The following DNAJC1 variants were observed in gnomAD, a reference collection of about 807,000 sequenced individuals.
DNAJC1 encodes DnaJ heat shock protein family (Hsp40) member C1.
In DNAJC1, 58 loss-of-function variants were observed where a neutral mutation model predicts 76.6. The ratio of observed to expected loss-of-function variants is 0.76; its 90% CI spans 0.61 to 0.94. The LOEUF (loss-of-function observed/expected upper bound fraction) is 0.94. DNAJC1 is among the 40% of genes least tolerant of loss of function. The pLI is 0.00. For missense variants in DNAJC1, 689 were observed against 677.3 expected, an observed-to-expected ratio of 1.02 and a Z score of -0.19; for synonymous variants, 258 against 267.9, an observed-to-expected ratio of 0.96 and a Z score of 0.36.
At chr10:21,929,000 T>C in intron 2 of DNAJC1, 40 bp downstream of exon 2, 3 of 1,284,714 alleles carry the variant, frequency 2.3e-6, no homozygotes, top group Non-Finnish European at 3.3e-6. Context: ...TGTTAATACA[T>C]TTGTCACAAA....
At chr10:21,891,127 T>G (rs866045970) in intron 7 of DNAJC1, among the ~76,000 whole-genome samples, 1 of 151,836 alleles carries the variant, frequency 6.6e-6, no homozygotes, top group African/African-American at 2.4e-5. Flanking sequence ...GAGGCGGAGG[T>G]TGCAGTGAGC....
intron 8 of DNAJC1, among the ~76,000 whole-genome samples, chr10:21,844,917 C>A (rs983882050): frequency 6.6e-6 from 1 of 152,152 alleles, no homozygotes; most frequent in East Asian, 1.9e-4. Flanking sequence ...GTAGCCCAAG[C>A]TACCCAGGAG....
At chr10:21,812,286 T>C (rs758351268) in intron 8 of DNAJC1, among the ~76,000 whole-genome samples, 40 of 151,798 alleles carry the variant, frequency 2.6e-4, no homozygotes, top group Non-Finnish European at 4.9e-4. Context: ...CTTGAACTCC[T>C]GACCTCGTGA....
chr10:21,839,855 A>C (rs866979062), intron 8 of DNAJC1, among the ~76,000 whole-genome samples: 5 of 152,340 alleles, frequency 3.3e-5, no homozygotes, highest in Middle Eastern at 3.4e-3. Flanking sequence ...ATCCTCAGTA[A>C]CATACTGGCA....
Position 21,766,439 on chromosome 10 carries a change from C to T in DNAJC1, c.1099-130G>A, listed in dbSNP as rs12241452. 2.7e-3 allele frequency: 1,853 copies of T among 696,672 alleles called. 35 individuals are homozygous for T. In the African/African-American group the frequency reaches 0.03, roughly 11 times the overall value. The allele number at this position is 696,672 out of a possible 1,614,324, so 43.2% of individuals were successfully genotyped here. A position where few individuals can be genotyped will look rare whatever the true frequency, so the allele number is the denominator to read the frequency against. ...ATCTTAGGCCTGAAAGACCCTCAGT[C>T]GTCTGTCGCATCCATTAATGTAATT... On this transcript the variant is annotated intron_variant, in intron 9 of 11. Coordinates refer to ENST00000376980, the MANE Select transcript of DNAJC1 (RefSeq NM_022365.4).
At chr10:21,995,979 G>A (rs1166790780) in intron 1 of DNAJC1, among the ~76,000 whole-genome samples, 1 of 152,072 alleles carries the variant, frequency 6.6e-6, no homozygotes, top group Non-Finnish European at 1.5e-5. Flanking sequence ...ATACTATGCT[G>A]TTATTTAAAA....
intron 7 of DNAJC1, among the ~76,000 whole-genome samples, chr10:21,896,541 G>C (rs1187821790): frequency 6.6e-6 from 1 of 152,150 alleles, no homozygotes; most frequent in Non-Finnish European, 1.5e-5. Context: ...TGATTTCACA[G>C]GTTCACAGGT....
chr10:21,914,487 G>T (rs1022385490), intron 6 of DNAJC1, among the ~76,000 whole-genome samples: 6 of 152,142 alleles, frequency 3.9e-5, no homozygotes, highest in Non-Finnish European at 7.4e-5. Context: ...AATGTACACA[G>T]ATCTTTCACA....
rs144682557 is a variant in DNAJC1 at position 21,830,966 on chromosome 10, G to C, written c.979-24867C>G. Among the ~76,000 whole-genome samples, 47 of 152,012 alleles carry C rather than the reference G, an allele frequency of 3.1e-4. No individual in the cohort carries two copies. The East Asian group carries it at 7.9e-3, about 26-fold the overall frequency. ...TACTTTTATCTCTTTAATCATTATA[G>C]AAATGCTGAGTTTTGTGGTCTCTTT... On this transcript the variant is annotated intron_variant, in intron 8 of 11. Transcript: ENST00000376980.
chr10:21,903,369 CAT>C (rs1387533056), intron 7 of DNAJC1, among the ~76,000 whole-genome samples: 1 of 152,214 alleles, frequency 6.6e-6, no homozygotes. Context: ...CTTTTTAACA[CAT>C]ATGTCAACCT....
chr10:21,908,046 A>G (rs1316552795), intron 6 of DNAJC1, among the ~76,000 whole-genome samples: 1 of 119,732 alleles, frequency 8.4e-6, no homozygotes, highest in African/African-American at 3.3e-5. Context: ...ATAATATAAT[A>G]TATAAATATA....
intron 1 of DNAJC1, among the ~76,000 whole-genome samples, chr10:21,930,839 A>C (rs941461871): frequency 2.6e-5 from 4 of 152,214 alleles, no homozygotes; most frequent in African/African-American, 9.7e-5. Flanking sequence ...TGAATAACCA[A>C]TCTCTAATTG....
chr10:21,795,589 G>A (rs375000068), intron 9 of DNAJC1, among the ~76,000 whole-genome samples: 2 of 152,258 alleles, frequency 1.3e-5, no homozygotes, highest in African/African-American at 4.8e-5. Flanking sequence ...GGAACACTTC[G>A]GGTGATGAAA....
chr10:21,790,010 T>TAAAAAAAAAAAAAAAAAAAAAAAA (rs35639440), intron 9 of DNAJC1, among the ~76,000 whole-genome samples: 5 of 41,092 alleles, frequency 1.2e-4, no homozygotes, highest in Admixed American at 8.2e-4. Flanking sequence ...GCTCTGTCTT[T>TAAAAAAAAAAAAAAAAAAAAAAAA]AAAAAAAAAA....
At chr10:21,821,275 C>A (rs1222364289) in intron 8 of DNAJC1, among the ~76,000 whole-genome samples, 1 of 151,938 alleles carries the variant, frequency 6.6e-6, no homozygotes, top group African/African-American at 2.4e-5. Flanking sequence ...AATATTGTAA[C>A]AAAGGAATGT....
chr10:21,973,113 AT>A (rs779653686), intron 1 of DNAJC1, among the ~76,000 whole-genome samples: 2 of 152,308 alleles, frequency 1.3e-5, no homozygotes, highest in Non-Finnish European at 2.9e-5. Context: ...CATTACCTAA[AT>A]AACAGGGCTG....
At chr10:21,955,875 A>T (rs2666756) in intron 1 of DNAJC1, among the ~76,000 whole-genome samples, 87,121 of 152,082 alleles carry the variant, frequency 0.57, 27,207 homozygotes, top group East Asian at 0.96. Context: ...GTCTTTGTCC[A>T]TCTGTTTTGC....
intron 9 of DNAJC1, among the ~76,000 whole-genome samples, chr10:21,773,561 G>A (rs1834415548): frequency 6.6e-6 from 1 of 151,996 alleles, no homozygotes; most frequent in Non-Finnish European, 1.5e-5. Flanking sequence ...AGTCTATCCT[G>A]GACAATGTTC....
intron 11 of DNAJC1, among the ~76,000 whole-genome samples, chr10:21,758,619 A>C (rs1408764676): frequency 6.6e-6 from 1 of 150,440 alleles, no homozygotes; most frequent in East Asian, 1.9e-4. Flanking sequence ...AGATGGCCTC[A>C]GGGCCTCTGG....
Sources: gnomAD v4.1 joint callset for allele counts (sites outside exome capture counted in the v4.1 genomes callset) on GRCh38, gnomAD v4.1.1 for gene constraint, MANE v1.5 for transcripts, NCBI Gene and HGNC (gene_info 2026-07-23, HGNC 2026-07-21) for gene names.